Variants in UNC5C observed in about 807,000 individuals in gnomAD.
The protein encoded by UNC5C is netrin receptor UNC5C.
A neutral mutation model predicts 99.8 loss-of-function variants in UNC5C; 47 were observed. That is an observed-to-expected ratio of 0.47 (90% CI 0.37 to 0.60). UNC5C has a LOEUF of 0.60. Among genes scored for constraint, UNC5C ranks in the 20% least tolerant of loss-of-function variants. The pLI is 0.00. For missense variants in UNC5C, 1,062 were observed against 1,165.9 expected (o/e 0.91, Z 1.30); for synonymous variants, 487 against 452.2 (o/e 1.08, Z -0.98).
intron 3 of UNC5C, 144 bp from the exon 4 acceptor site, chr4:95,278,506 A>T: frequency 4.7e-6 from 3 of 641,412 alleles, no homozygotes; most frequent in Admixed American, 2.7e-5. Flanking sequence ...ACAGGGTCTC[A>T]CTCTGTGTCC....
intron 1 of UNC5C, among the ~76,000 whole-genome samples, chr4:95,425,910 A>G (rs1365735109): frequency 1.3e-5 from 2 of 152,276 alleles, no homozygotes; most frequent in East Asian, 3.9e-4. Context: ...TTATAACTTC[A>G]AAGAGTTTTT....
intron 10 of UNC5C, among the ~76,000 whole-genome samples, chr4:95,215,016 G>A (rs1738199491): frequency 6.6e-6 from 1 of 152,144 alleles, no homozygotes; most frequent in East Asian, 1.9e-4. Flanking sequence ...TTCTTAGACA[G>A]GCTAGTATTT....
intron 14 of UNC5C, among the ~76,000 whole-genome samples, chr4:95,180,122 T>G (rs761319114): frequency 8.6e-5 from 13 of 151,774 alleles, no homozygotes; most frequent in Non-Finnish European, 1.8e-4. Context: ...GGCCAAGTTC[T>G]GTTTAGAACA....
chr4:95,342,888 C>T (rs1485027407), intron 1 of UNC5C, among the ~76,000 whole-genome samples: 1 of 151,866 alleles, frequency 6.6e-6, no homozygotes, highest in African/African-American at 2.4e-5. Context: ...TTGCTGTGGG[C>T]CTGGGGTGGC....
intron 5 of UNC5C, among the ~76,000 whole-genome samples, chr4:95,248,861 T>C (rs1181722654): frequency 6.6e-6 from 1 of 152,202 alleles, no homozygotes; most frequent in Admixed American, 6.5e-5. Context: ...AGCCTAAGTG[T>C]AGTGTTCATA....
chr4:95,350,779 G>C (rs1048847516), intron 1 of UNC5C, among the ~76,000 whole-genome samples: 5 of 152,228 alleles, frequency 3.3e-5, no homozygotes, highest in African/African-American at 1.2e-4. Context: ...AAAAATCTCT[G>C]TGATGGTCAA....
At chr4:95,529,794 T>G (rs887286791) in intron 1 of UNC5C, among the ~76,000 whole-genome samples, 35 of 152,192 alleles carry the variant, frequency 2.3e-4, no homozygotes, top group African/African-American at 8.4e-4. Context: ...CTTTGATGCT[T>G]TGTTACAACT....
chr4:95,275,626 T>C (rs942978659), intron 4 of UNC5C, among the ~76,000 whole-genome samples: 2 of 152,192 alleles, frequency 1.3e-5, no homozygotes, highest in African/African-American at 2.4e-5. Flanking sequence ...TATTATTACC[T>C]TAGAAATGCC....
intron 9 of UNC5C, among the ~76,000 whole-genome samples, chr4:95,217,798 G>A (rs1430203672): frequency 1.3e-5 from 2 of 152,066 alleles, no homozygotes; most frequent in African/African-American, 4.8e-5. Context: ...AGTATGTTTT[G>A]ATTCATTCAA....
intron 1 of UNC5C, among the ~76,000 whole-genome samples, chr4:95,468,710 T>A (rs572154931): frequency 6.6e-6 from 1 of 152,310 alleles, no homozygotes; most frequent in South Asian, 2.1e-4. Context: ...TAGAGGACTA[T>A]GTTTAATGAG....
intron 1 of UNC5C, among the ~76,000 whole-genome samples, chr4:95,504,697 T>C (rs1328335262): frequency 6.6e-5 from 10 of 152,048 alleles, no homozygotes; most frequent in Admixed American, 6.6e-4. Context: ...TGACACATTA[T>C]AACAAGGCAC....
chr4:95,517,595 G>A (rs1286771188), intron 1 of UNC5C, among the ~76,000 whole-genome samples: 1 of 152,130 alleles, frequency 6.6e-6, no homozygotes, highest in Non-Finnish European at 1.5e-5. Flanking sequence ...ATACTGCAAA[G>A]ATATACTCTT....
chr4:95,340,922 T>A, intron 1 of UNC5C, among the ~76,000 whole-genome samples: 1 of 152,092 alleles, frequency 6.6e-6, no homozygotes, highest in East Asian at 1.9e-4. Flanking sequence ...TACCCCCTTT[T>A]GCAAATAATT....
At position 95,512,729 on chromosome 4, in the gene UNC5C, G is replaced by A. The variant is rs768149622; in HGVS notation, c.124+36005C>T. On this transcript the variant is annotated intron_variant, in intron 1 of 15. Coordinates refer to ENST00000453304, the MANE Select transcript of UNC5C (RefSeq NM_003728.4). Reference sequence around the variant, plus strand: ...TTTTGTTAATAGCTGTGATAAATTAGATTTTCAACATTTTTATGCCAGGTT... The same window carrying A: ...TTTTGTTAATAGCTGTGATAAATTAAATTTTCAACATTTTTATGCCAGGTT... 2.6e-5 allele frequency among the ~76,000 whole-genome samples: 4 copies of A among 152,214 alleles called. No individual in the cohort carries two copies. In the East Asian group the frequency reaches 7.7e-4, roughly 29 times the overall value.
At chr4:95,271,780 C>G (rs1740676374) in intron 4 of UNC5C, among the ~76,000 whole-genome samples, 1 of 152,300 alleles carries the variant, frequency 6.6e-6, no homozygotes. Context: ...CTTAATGTCT[C>G]CATTGGCTTT....
At chr4:95,481,544 A>T (rs566735922) in intron 1 of UNC5C, among the ~76,000 whole-genome samples, 1 of 152,194 alleles carries the variant, frequency 6.6e-6, no homozygotes, top group South Asian at 2.1e-4. Context: ...AAGAGCCCAC[A>T]TCGCCAAGTC....
chr4:95,388,146 A>C (rs1745262270), intron 1 of UNC5C, among the ~76,000 whole-genome samples: 1 of 152,206 alleles, frequency 6.6e-6, no homozygotes, highest in South Asian at 2.1e-4. Flanking sequence ...GGATGATGTA[A>C]ATTAAAAAAC....
At chr4:95,451,460 C>T (rs265052) in intron 1 of UNC5C, among the ~76,000 whole-genome samples, 57,546 of 152,000 alleles carry the variant, frequency 0.38, 11,733 homozygotes, top group African/African-American at 0.52. Context: ...ATCTCGATAT[C>T]TTAACCATAA....
At chr4:95,233,904 C>T (rs1209672661) in intron 7 of UNC5C, among the ~76,000 whole-genome samples, 1 of 151,750 alleles carries the variant, frequency 6.6e-6, no homozygotes, top group Non-Finnish European at 1.5e-5. Context: ...CCACTGCACT[C>T]CAGCCTGGGC....
Sources: allele counts gnomAD v4.1 joint callset (sites outside exome capture counted in the v4.1 genomes callset), GRCh38; gene constraint gnomAD v4.1.1; transcripts MANE v1.5; gene names NCBI Gene and HGNC (gene_info 2026-07-23, HGNC 2026-07-21).